SYNPR: variants seen among roughly 807,000 people sequenced by gnomAD.
SYNPR encodes the protein synaptoporin.
In SYNPR, 23 loss-of-function variants were observed where a neutral mutation model predicts 32.9. That is an observed-to-expected ratio of 0.70 (90% CI 0.50 to 0.99). The LOEUF (loss-of-function observed/expected upper bound fraction) is 0.99. SYNPR is among the 50% of genes least tolerant of loss of function. SYNPR has a pLI of 0.00. For synonymous variants in SYNPR, 146 were observed against 135.9 expected (o/e 1.07, Z -0.52); for missense variants, 318 against 349.3 (o/e 0.91, Z 0.71).
chr3:63,481,023 C>A, intron 3 of SYNPR, 67 bp downstream of exon 3: 3 of 1,549,700 alleles, frequency 1.9e-6, no homozygotes, highest in South Asian at 2.4e-5. Context: ...TGCTTTGTCT[C>A]AGAAAAAATG....
At chr3:63,463,105 G>A (rs1700617341) in intron 2 of SYNPR, among the ~76,000 whole-genome samples, 1 of 152,142 alleles carries the variant, frequency 6.6e-6, no homozygotes, top group Non-Finnish European at 1.5e-5. Context: ...AGTTACTGAG[G>A]TCTCATGTGT....
At chr3:63,602,105 G>A (rs1700053286) in intron 4 of SYNPR, among the ~76,000 whole-genome samples, 1 of 151,858 alleles carries the variant, frequency 6.6e-6, no homozygotes, top group African/African-American at 2.4e-5. Context: ...AGTGATGTTG[G>A]GCACTTTTTC....
At chr3:63,450,927 G>A (rs1022937472) in intron 2 of SYNPR, among the ~76,000 whole-genome samples, 1 of 152,134 alleles carries the variant, frequency 6.6e-6, no homozygotes, top group Non-Finnish European at 1.5e-5. Context: ...ATATTGCTCT[G>A]GCAGCATTCC....
intron 3 of SYNPR, among the ~76,000 whole-genome samples, chr3:63,527,075 G>T (rs988341298): frequency 6.6e-6 from 1 of 152,148 alleles, no homozygotes; most frequent in African/African-American, 2.4e-5. Context: ...GTAGAGCTCT[G>T]AAGAACAGGG....
chr3:63,372,976 T>C (rs2087840243), intron 2 of SYNPR, among the ~76,000 whole-genome samples: 1 of 152,128 alleles, frequency 6.6e-6, no homozygotes, highest in Non-Finnish European at 1.5e-5. Context: ...CAAAAATCCT[T>C]TGATAATGTA....
chr3:63,472,292 C>T (rs1003794882), intron 2 of SYNPR, among the ~76,000 whole-genome samples: 3 of 152,124 alleles, frequency 2.0e-5, no homozygotes, highest in Admixed American at 6.5e-5. Flanking sequence ...AAAGGCAGAC[C>T]TGACTGCTTC....
rs35441786 is a variant in SYNPR, at chr3:63,447,242, A to G, written c.85-33590A>G. 5.9e-3 allele frequency among the ~76,000 whole-genome samples: 904 copies of G among 152,304 alleles called. 7 individuals carry two copies. The highest frequency in any genetic ancestry group is 0.01 in the Non-Finnish European group (689 of 68,020). ...GACTATCCCTAAAAACTAATCTTAT[A>G]GGCAAGTTTATAAAGTATATCATAT... On this transcript the variant is annotated intron_variant, in intron 2 of 5. Transcript: ENST00000478300.
At chr3:63,541,774 C>T (rs1047268941) in intron 3 of SYNPR, among the ~76,000 whole-genome samples, 11 of 152,018 alleles carry the variant, frequency 7.2e-5, no homozygotes, top group African/African-American at 2.7e-4. Flanking sequence ...AGAAGCTAAA[C>T]ATAGAAAAAG....
chr3:63,398,059 G>C (rs952109484), intron 2 of SYNPR, among the ~76,000 whole-genome samples: 1 of 152,182 alleles, frequency 6.6e-6, no homozygotes, highest in Non-Finnish European at 1.5e-5. Context: ...AAGAAAAGAG[G>C]GTGAACCTTT....
chr3:63,561,339 A>G (rs1379014657), intron 4 of SYNPR: 1 of 152,190 alleles, frequency 6.6e-6, no homozygotes, highest in Admixed American at 6.5e-5. Context: ...ACATTTATAG[A>G]TGAGAGAAGG....
In SYNPR at chr3:63,327,743, T is replaced by G. The variant is rs547305729; in HGVS notation, c.84+49001T>G. On this transcript the variant is annotated intron_variant, in intron 2 of 5. Transcript: ENST00000478300. Reference sequence around the variant, plus strand: ...AAAAATATTTTTAAAAAACACATTGTGGTATTAGAAGTTAGGACAGTAGCT... The same window carrying G: ...AAAAATATTTTTAAAAAACACATTGGGGTATTAGAAGTTAGGACAGTAGCT... 2.1e-3 allele frequency among the ~76,000 whole-genome samples: 322 copies of G among 152,214 alleles called. 1 individual carries two copies. The highest frequency in any genetic ancestry group is 7.2e-3 in the African/African-American group (301 of 41,544).
At chr3:63,562,210 C>A (rs911838465) in intron 4 of SYNPR, among the ~76,000 whole-genome samples, 5 of 152,084 alleles carry the variant, frequency 3.3e-5, no homozygotes, top group African/African-American at 9.7e-5. Flanking sequence ...ATGTTCTGAG[C>A]CATTTTCAGA....
At chr3:63,436,969 C>T (rs1052514510) in intron 2 of SYNPR, among the ~76,000 whole-genome samples, 9 of 152,114 alleles carry the variant, frequency 5.9e-5, no homozygotes, top group Admixed American at 2.6e-4. Flanking sequence ...CTCCGCCTCC[C>T]GGGTTCAAGC....
intron 4 of SYNPR, among the ~76,000 whole-genome samples, chr3:63,601,099 C>G (rs1700034368): frequency 6.6e-6 from 1 of 151,946 alleles, no homozygotes; most frequent in Non-Finnish European, 1.5e-5. Flanking sequence ...ATGGAGAAAC[C>G]CCATCTCTAC....
chr3:63,457,302 T>G (rs1700500006), intron 2 of SYNPR, among the ~76,000 whole-genome samples: 1 of 152,156 alleles, frequency 6.6e-6, no homozygotes, highest in Admixed American at 6.6e-5. Flanking sequence ...CTGATACTTT[T>G]TATTCTAGTC....
intron 2 of SYNPR, among the ~76,000 whole-genome samples, chr3:63,335,245 C>T (rs1436533790): frequency 6.7e-6 from 1 of 148,376 alleles, no homozygotes; most frequent in Non-Finnish European, 1.5e-5. Flanking sequence ...CCCAGCTACT[C>T]GGGAGGCTGA....
At chr3:63,376,052 C>G (rs1021924937) in intron 2 of SYNPR, among the ~76,000 whole-genome samples, 10 of 152,116 alleles carry the variant, frequency 6.6e-5, no homozygotes, top group African/African-American at 2.4e-4. Context: ...TGTTTTCTCC[C>G]TTGTCTTCCC....
intron 2 of SYNPR, among the ~76,000 whole-genome samples, chr3:63,378,628 T>C (rs1002191258): frequency 3.3e-5 from 5 of 152,050 alleles, no homozygotes; most frequent in Non-Finnish European, 5.9e-5. Flanking sequence ...GTTTTAGTTA[T>C]TCTCATTCCT....
At chr3:63,560,952 C>T (rs550307578) in intron 4 of SYNPR, among the ~76,000 whole-genome samples, 2 of 152,210 alleles carry the variant, frequency 1.3e-5, no homozygotes, top group South Asian at 4.1e-4. Context: ...ATTTTGGTTG[C>T]CATCTATTTT....
Sources: gnomAD v4.1 joint callset for allele counts (sites outside exome capture counted in the v4.1 genomes callset) on GRCh38, gnomAD v4.1.1 for gene constraint, MANE v1.5 for transcripts, NCBI Gene and HGNC (gene_info 2026-07-23, HGNC 2026-07-21) for gene names.